TENM4: variants seen among roughly 807,000 people sequenced by gnomAD.
The protein encoded by TENM4 is teneurin-4.
A neutral mutation model predicts 243.3 loss-of-function variants in TENM4; 82 were observed. The ratio of observed to expected loss-of-function variants is 0.34; its 90% confidence interval spans 0.28 to 0.40. TENM4 has a LOEUF of 0.40. Among genes scored for constraint, TENM4 ranks in the 10% least tolerant of loss-of-function variants. TENM4 has a pLI of 1.00. For synonymous variants in TENM4, 1,412 were observed against 1,456.3 expected, an observed-to-expected ratio of 0.97 and a Z score of 0.69; for missense variants, 3,138 against 3,673.3, an observed-to-expected ratio of 0.85 and a Z score of 3.77.
At chr11:79,375,679 C>T (rs950002646) in intron 1 of TENM4, among the ~76,000 whole-genome samples, 6 of 152,082 alleles carry the variant, frequency 3.9e-5, no homozygotes, top group Non-Finnish European at 7.4e-5. Flanking sequence ...CCCTGCCCTT[C>T]GGAAGAAAAA....
intron 6 of TENM4, among the ~76,000 whole-genome samples, chr11:79,055,600 G>C (rs1859922080): frequency 6.6e-6 from 1 of 152,164 alleles, no homozygotes; most frequent in Non-Finnish European, 1.5e-5. Context: ...ATGATTGGTT[G>C]ACCCATAGTT....
chr11:79,313,241 C>T (rs1407893780), intron 1 of TENM4, among the ~76,000 whole-genome samples: 1 of 152,098 alleles, frequency 6.6e-6, no homozygotes, highest in African/African-American at 2.4e-5. Flanking sequence ...GAAATTAATC[C>T]TTTCACTTAT....
intron 6 of TENM4, among the ~76,000 whole-genome samples, chr11:78,939,546 A>G (rs1856848059): frequency 6.6e-6 from 1 of 152,202 alleles, no homozygotes. Flanking sequence ...ATTTATCCTG[A>G]AAGAATTAGC....
intron 9 of TENM4, among the ~76,000 whole-genome samples, chr11:78,875,031 T>C (rs951441713): frequency 1.3e-5 from 2 of 152,172 alleles, no homozygotes; most frequent in Non-Finnish European, 2.9e-5. Context: ...CAAGGTGCTG[T>C]TGCTCAATAA....
chr11:78,887,790 C>T (rs1441904791), intron 9 of TENM4, among the ~76,000 whole-genome samples: 1 of 152,196 alleles, frequency 6.6e-6, no homozygotes, highest in East Asian at 1.9e-4. Flanking sequence ...AGATGGAAAA[C>T]AGGAGAGAGT....
intron 28 of TENM4, among the ~76,000 whole-genome samples, chr11:78,690,910 C>CT (rs1299292522): frequency 6.6e-6 from 1 of 152,206 alleles, no homozygotes; most frequent in African/African-American, 2.4e-5. Flanking sequence ...CTTGGACTGT[C>CT]TATTTTCCTG....
intron 6 of TENM4, among the ~76,000 whole-genome samples, chr11:79,026,496 G>A (rs1175189589): frequency 1.3e-5 from 2 of 152,204 alleles, no homozygotes; most frequent in Non-Finnish European, 2.9e-5. Flanking sequence ...AAAAGGAATT[G>A]AGCAGGGAGG....
At chr11:79,067,451 A>G (rs1860292950) in intron 5 of TENM4, among the ~76,000 whole-genome samples, 1 of 152,126 alleles carries the variant, frequency 6.6e-6, no homozygotes, top group South Asian at 2.1e-4. Context: ...TCTCAAAGAG[A>G]AGCCACTCAC....
At chr11:78,970,432 G>C (rs753605559) in intron 6 of TENM4, among the ~76,000 whole-genome samples, 1 of 152,152 alleles carries the variant, frequency 6.6e-6, no homozygotes, top group Non-Finnish European at 1.5e-5. Flanking sequence ...ATTTACATCT[G>C]TTATCCTGCA....
At chr11:79,106,347 G>A (rs1371857509) in intron 4 of TENM4, among the ~76,000 whole-genome samples, 1 of 152,224 alleles carries the variant, frequency 6.6e-6, no homozygotes, top group East Asian at 1.9e-4. Context: ...CAGCCTAGTG[G>A]AAAAAGGCTG....
chr11:79,228,536 C>A (rs1489978547), intron 2 of TENM4, among the ~76,000 whole-genome samples: 2 of 152,124 alleles, frequency 1.3e-5, no homozygotes, highest in African/African-American at 2.4e-5. Context: ...CTTCTCAGAC[C>A]TCACGTGCCC....
Position 78,654,769 on chromosome 11 carries a change from C to T in TENM4, c.*3289G>A, listed in dbSNP as rs938684770. ...AATTTACCTGCATGCCTTCCCCTTC[C>T]TCCAGTCTGCCCTCCAGCAATGTCT... On this transcript the variant is annotated 3_prime_UTR_variant, in exon 34 of 34. Transcript: ENST00000278550. 6.6e-6 allele frequency: 1 copy of T among 151,964 alleles called. No homozygotes were observed. Among genetic ancestry groups the T allele is most frequent in the African/African-American group, 2.4e-5 (1 of 41,340 alleles). 9.4% of individuals were successfully genotyped at this position (151,964 alleles called of 1,614,324 possible).
At chr11:79,226,785 C>T (rs1346641701) in intron 2 of TENM4, among the ~76,000 whole-genome samples, 1 of 152,080 alleles carries the variant, frequency 6.6e-6, no homozygotes, top group Non-Finnish European at 1.5e-5. Context: ...ATTCAGGAGA[C>T]CTTATAAAAC....
chr11:79,306,051 C>T (rs1856621188), intron 1 of TENM4, among the ~76,000 whole-genome samples: 1 of 152,220 alleles, frequency 6.6e-6, no homozygotes, highest in Admixed American at 6.5e-5. Flanking sequence ...CCTCTGATCC[C>T]TGCACCACTC....
intron 6 of TENM4, among the ~76,000 whole-genome samples, chr11:79,011,469 G>A (rs891301272): frequency 5.9e-5 from 9 of 152,200 alleles, no homozygotes; most frequent in Admixed American, 3.3e-4. Flanking sequence ...ACTCTCCTAA[G>A]CGAGTATTGC....
intron 1 of TENM4, among the ~76,000 whole-genome samples, chr11:79,321,730 A>G (rs1174283332): frequency 6.6e-6 from 1 of 152,152 alleles, no homozygotes; most frequent in Non-Finnish European, 1.5e-5. Context: ...TGACATCTCA[A>G]AGCATAACAA....
chr11:79,061,424 G>A (rs1860082802), intron 6 of TENM4, among the ~76,000 whole-genome samples: 1 of 152,258 alleles, frequency 6.6e-6, no homozygotes, highest in South Asian at 2.1e-4. Flanking sequence ...GTACAGTGAG[G>A]CTTTGAGTTC....
intron 16 of TENM4, among the ~76,000 whole-genome samples, chr11:78,779,309 G>A (rs560929370): frequency 1.3e-5 from 2 of 152,330 alleles, no homozygotes; most frequent in East Asian, 3.9e-4. Context: ...ACTATGAGGT[G>A]CAGGTCAATG....
At chr11:79,016,841 T>A (rs606564) in intron 6 of TENM4, among the ~76,000 whole-genome samples, 51,737 of 152,110 alleles carry the variant, frequency 0.34, 10,169 homozygotes, top group Non-Finnish European at 0.44. Context: ...GAGACTGTGG[T>A]CTTGTTAAGA....
Sources: allele counts gnomAD v4.1 joint callset (sites outside exome capture counted in the v4.1 genomes callset), GRCh38; gene constraint gnomAD v4.1.1; transcripts MANE v1.5; gene names NCBI Gene and HGNC (gene_info 2026-07-23, HGNC 2026-07-21).